Variants in ADAMTSL4 observed in about 807,000 individuals in gnomAD.
ADAMTSL4 encodes the protein ADAMTS like 4, also known as ADAMTS-like protein 4.
ADAMTSL4 carries 97 observed loss-of-function variants against 122.8 expected under a neutral mutation model. That is an observed-to-expected ratio of 0.79 (90% confidence interval 0.67 to 0.93). The LOEUF is 0.93. Among genes scored for constraint, ADAMTSL4 ranks in the 40% least tolerant of loss-of-function variants. The probability of loss-of-function intolerance (pLI) is 0.00; values close to 1 mark genes in which losing one functional copy is unlikely to be tolerated. For synonymous variants in ADAMTSL4, 592 were observed against 568.0 expected (o/e 1.04, Z -0.60); for missense variants, 1,408 against 1,453.5 (o/e 0.97, Z 0.51).
rs1222632247 is a variant in ADAMTSL4 at position 150,553,920 on chromosome 1, G to A, written c.929G>A (p.Gly310Asp). 1.9e-6 allele frequency: 3 copies of A among 1,611,528 alleles called. No individual in the cohort carries two copies. Among genetic ancestry groups the A allele is most frequent in the Non-Finnish European group, 2.5e-6 (3 of 1,179,158 alleles). ...TTTCCTTCGGTCCCTCGGGGCCGAG[G>A]CCAGCAGGGCCAAGGGCCTTGGGGA... ...DPFPSVPRGR[G>D]QQGQGPWGTG... Residue 310 changes from glycine to aspartate, a missense_variant, in exon 6 of 19, where the codon GGC becomes GAC. Gly to Asp is a moderately conservative substitution (Grantham distance 94). Transcript: ENST00000271643.
At position 150,556,556 on chromosome 1, in the gene ADAMTSL4, A is replaced by G; in HGVS notation, c.1577-65A>G. ...GTGGGAGCTTCTATAGGCTAAGGAC[A>G]CGGTGTGGGAGGAGGAAGGTATTAT... On this transcript the variant is annotated intron_variant, in intron 9 of 18. Coordinates refer to ENST00000271643, the MANE Select transcript of ADAMTSL4 (RefSeq NM_019032.6). This position sits in a 1 kb window ranked among gnomAD's most constrained non-coding sequence, Gnocchi z 4.1. 6.2e-7 allele frequency: 1 copy of G among 1,606,668 alleles called. No individual in the cohort carries two copies. The highest frequency in any genetic ancestry group is 8.5e-7 in the Non-Finnish European group (1 of 1,174,300).
chr1:150,550,682 TG>T, intron 2 of ADAMTSL4: 1 of 451,028 alleles, frequency 2.2e-6, no homozygotes, highest in Non-Finnish European at 4.5e-6. Flanking sequence ...CTGGAGATCC[TG>T]GCCTCCCCCG....
chr1:150,554,695 G>C lies in ADAMTSL4; in HGVS notation c.1234+228G>C. The C allele has an allele frequency of 6.6e-7, 1 of 1,519,230 alleles. No individual in the cohort carries two copies. The highest frequency in any genetic ancestry group is 8.8e-7 in the Non-Finnish European group (1 of 1,134,070). The allele number at this position is 1,519,230 out of a possible 1,614,324, so 94.1% of individuals were successfully genotyped here. On this transcript the variant is annotated intron_variant, in intron 7 of 18. Coordinates refer to ENST00000271643, the MANE Select transcript of ADAMTSL4 (RefSeq NM_019032.6). The surrounding 1 kb of genome is among the most constrained non-coding windows in gnomAD (Gnocchi z 4.0). ...GAGGTGTGGGAGACACGCTTTGTCC[G>C]GACTCCCCTGGGAAGGCCATCACTG...
Position 150,560,543 on chromosome 1 carries a change from C to T in ADAMTSL4, c.*347C>T, listed in dbSNP as rs1672660858. On this transcript the variant is annotated 3_prime_UTR_variant, in exon 19 of 19. Transcript: ENST00000271643. ...CTAGGTGGAAAGGAAAGCAAGTCTG[C>T]AGTTCCTTGCTAATCTGAGCTACTT... The T allele has an allele frequency of 2.8e-6, 1 of 361,660 alleles. No individual in the cohort carries two copies. Among genetic ancestry groups the T allele is most frequent in the Non-Finnish European group, 5.3e-6 (1 of 190,198 alleles). 22.4% of individuals were successfully genotyped at this position (361,660 alleles called of 1,614,324 possible). A position where few individuals can be genotyped will look rare whatever the true frequency, so the allele number is the denominator to read the frequency against.
rs1024905014 is a variant in ADAMTSL4, at chr1:150,557,343, A to G, written c.2047+8A>G. 8 of 1,608,896 alleles carry G rather than the reference A, an allele frequency of 5.0e-6. No individual in the cohort carries two copies. Among genetic ancestry groups the G allele is most frequent in the Non-Finnish European group, 5.9e-6 (7 of 1,178,136 alleles). ...CAGCGTCCTGCGGGAAAGGTGAGAC[A>G]TCACAGTGCGTTCCCCGCATCTCGG... is the stretch of plus-strand genomic sequence containing the variant. On this transcript the variant is annotated splice_region_variant and intron_variant, in intron 12 of 18. Coordinates refer to ENST00000271643, the MANE Select transcript of ADAMTSL4 (RefSeq NM_019032.6).
chr1:150,554,271 C>A lies in ADAMTSL4; in HGVS notation c.1132-94C>A. ...GGGCAGGGGTCTTGGAGCTCTTCCG[C>A]TGACCTGAGCCTCCCACCTGCTCCC... On this transcript the variant is annotated intron_variant, in intron 6 of 18. Coordinates refer to ENST00000271643, the MANE Select transcript of ADAMTSL4 (RefSeq NM_019032.6). The surrounding 1 kb of genome is among the most constrained non-coding windows in gnomAD (Gnocchi z 4.0). The A allele has an allele frequency of 6.8e-7, 1 of 1,461,966 alleles. No individual in the cohort carries two copies. Among genetic ancestry groups the A allele is most frequent in the South Asian group, 1.1e-5 (1 of 87,916 alleles). The allele number at this position is 1,461,966 out of a possible 1,614,324, so 90.6% of individuals were successfully genotyped here.
chr1:150,559,150 A>G lies in ADAMTSL4; in HGVS notation c.2748A>G (p.Thr916=), dbSNP rs1672531630. The G allele has an allele frequency of 1.2e-6, 2 of 1,612,576 alleles. No individual in the cohort carries two copies. The highest frequency in any genetic ancestry group is 1.3e-5 in the African/African-American group (1 of 74,970). Residue 916 remains threonine (T), a synonymous_variant, in exon 16 of 19, where the codon ACA becomes ACG. Transcript: ENST00000271643. The surrounding 1 kb of genome is among the most constrained non-coding windows in gnomAD (Gnocchi z 4.1). The stretch of plus-strand genomic sequence containing the variant: ...GTGAGAGAACTTGGCGCTGGTACAC[A>G]GGGCCCTGGGGTGAGGTAAGCTGAG... ...GPCERTWRWY[T]GPWGECSSEC...
intron 2 of ADAMTSL4, chr1:150,550,550 T>C (rs1671300302): frequency 2.7e-6 from 1 of 372,454 alleles, no homozygotes; most frequent in Non-Finnish European, 5.3e-6. Context: ...AGAGAGGGCA[T>C]GAAGAGGGGT....
At position 150,557,353 on chromosome 1, in the gene ADAMTSL4, G is replaced by A. The variant is rs770045560; in HGVS notation, c.2047+18G>A. On this transcript the variant is annotated intron_variant, in intron 12 of 18. Transcript: ENST00000271643. ...CGGGAAAGGTGAGACATCACAGTGC[G>A]TTCCCCGCATCTCGGTCCAAACCCC... 1.4e-5 allele frequency: 22 copies of A among 1,606,416 alleles called. No homozygotes were observed. Among genetic ancestry groups the A allele is most frequent in the African/African-American group, 4.0e-5 (3 of 74,708 alleles).
chr1:150,555,639 A>C, intron 8 of ADAMTSL4, 74 bp downstream of exon 8: 1 of 1,528,390 alleles, frequency 6.5e-7, no homozygotes, highest in Non-Finnish European at 8.8e-7. Context: ...ATGCATACAC[A>C]TGTACACACA....
intron 2 of ADAMTSL4, chr1:150,551,292 G>A: frequency 2.9e-6 from 1 of 343,544 alleles, no homozygotes; most frequent in South Asian, 2.3e-5. Context: ...GGCACCCAGA[G>A]TGGGTGTTAC....
chr1:150,558,672 T>C (rs1672470637), intron 15 of ADAMTSL4, 23 bp downstream of exon 15: 3 of 1,613,782 alleles, frequency 1.9e-6, no homozygotes, highest in Non-Finnish European at 1.7e-6. Flanking sequence ...CCCCCAGCCA[T>C]ATCCTGCATC....
rs1570967908 is a variant in ADAMTSL4, at chr1:150,560,376, T to C, written c.*180T>C. 1.0e-6 allele frequency: 1 copy of C among 970,544 alleles called. No homozygotes were observed. Among genetic ancestry groups the C allele is most frequent in the East Asian group, 2.6e-5 (1 of 37,938 alleles). 60.1% of individuals were successfully genotyped at this position (970,544 alleles called of 1,614,324 possible). ...TTTCAGGGCTGTGGTCAGGCCCATG[T>C]GGTGGTGTGATGGGTGTGTGCACAT... is the stretch of plus-strand genomic sequence containing the variant. On this transcript the variant is annotated 3_prime_UTR_variant, in exon 19 of 19. Transcript: ENST00000271643.
In ADAMTSL4 at chr1:150,552,738, G is replaced by A; in HGVS notation, c.78+138G>A. 1 of 1,318,310 alleles carries A rather than the reference G, an allele frequency of 7.6e-7. No homozygotes were observed. Among genetic ancestry groups the A allele is most frequent in the Non-Finnish European group, 1.1e-6 (1 of 936,832 alleles). The allele number at this position is 1,318,310 out of a possible 1,614,324, so 81.7% of individuals were successfully genotyped here. A position where few individuals can be genotyped will look rare whatever the true frequency, so the allele number is the denominator to read the frequency against. ...TCCCCTGCCAACTCCCCAGTTCCTTGCCTCATAACACCAAGAGGCCGAGGT... is the reference window on the plus strand; with the variant it reads ...TCCCCTGCCAACTCCCCAGTTCCTTACCTCATAACACCAAGAGGCCGAGGT... On this transcript the variant is annotated intron_variant, in intron 4 of 18. Coordinates refer to ENST00000271643, the MANE Select transcript of ADAMTSL4 (RefSeq NM_019032.6). The surrounding 1 kb of genome is among the most constrained non-coding windows in gnomAD (Gnocchi z 4.0).
intron 18 of ADAMTSL4, 47 bp from the exon 19 acceptor site, chr1:150,560,013 T>C: frequency 6.2e-7 from 1 of 1,613,888 alleles, no homozygotes; most frequent in African/African-American, 1.3e-5. Flanking sequence ...CCCAGACGGG[T>C]GGGTCCTGGT....
Position 150,559,213 on chromosome 1 carries a change from G to A in ADAMTSL4, c.2763+48G>A. ...GCAGGAAGGGGGTGCCAGTCCCAGT[G>A]GGATTCCTTGTGGGCACTTGGGGTG... On this transcript the variant is annotated intron_variant, in intron 16 of 18. Transcript: ENST00000271643. This position sits in a 1 kb window ranked among gnomAD's most constrained non-coding sequence, Gnocchi z 4.1. The A allele has an allele frequency of 6.2e-7, 1 of 1,612,364 alleles. No individual in the cohort carries two copies. Among genetic ancestry groups the A allele is most frequent in the Non-Finnish European group, 8.5e-7 (1 of 1,179,274 alleles).
In ADAMTSL4 at chr1:150,554,558, A is replaced by T. The variant is rs1201936804; in HGVS notation, c.1234+91A>T. 6.4e-7 allele frequency: 1 copy of T among 1,572,826 alleles called. No individual in the cohort carries two copies. The highest frequency in any genetic ancestry group is 8.6e-7 in the Non-Finnish European group (1 of 1,158,992). ...ACCTGCTTACTCCCAGCCCTGAATG[A>T]CTTCCAGCCCCTCTGCTTCCCCTGC... On this transcript the variant is annotated intron_variant, in intron 7 of 18. Transcript: ENST00000271643. This position sits in a 1 kb window ranked among gnomAD's most constrained non-coding sequence, Gnocchi z 4.0.
chr1:150,557,956 G>A lies in ADAMTSL4; in HGVS notation c.2189G>A (p.Gly730Asp). Reference sequence around the variant, plus strand: ...GCTGGTGCCTGCAGCTGGGAGGCTGGCGAGTGGACATCCTGCAGCCGCTCC... The same window carrying A: ...GCTGGTGCCTGCAGCTGGGAGGCTGACGAGTGGACATCCTGCAGCCGCTCC... Reference protein sequence around the residue: ...GTPCPPYWEAGEWTSCSRSCG... With the variant: ...GTPCPPYWEADEWTSCSRSCG... Residue 730 changes from glycine (G) to aspartate (D), a missense_variant, in exon 14 of 19, where the codon GGC (glycine) becomes GAC (aspartate). Physicochemically the swap from Gly to Asp is moderately conservative, Grantham distance 94. Coordinates refer to ENST00000271643, the MANE Select transcript of ADAMTSL4 (RefSeq NM_019032.6). The A allele has an allele frequency of 6.2e-7, 1 of 1,607,346 alleles. No individual in the cohort carries two copies.
chr1:150,552,673 C>G lies in ADAMTSL4; in HGVS notation c.78+73C>G. The stretch of plus-strand genomic sequence containing the variant: ...ATCTCCCCCTAGGCTCCCACCCCAT[C>G]TCTCCAGGCCACGCCTCCATTCCCC... On this transcript the variant is annotated intron_variant, in intron 4 of 18. Coordinates refer to ENST00000271643, the MANE Select transcript of ADAMTSL4 (RefSeq NM_019032.6). This position sits in a 1 kb window ranked among gnomAD's most constrained non-coding sequence, Gnocchi z 4.0. 1.9e-6 allele frequency: 3 copies of G among 1,543,074 alleles called. No homozygotes were observed. The highest frequency in any genetic ancestry group is 2.6e-6 in the Non-Finnish European group (3 of 1,136,966).
Sources: allele counts gnomAD v4.1 joint callset, GRCh38; gene constraint gnomAD v4.1.1; non-coding constraint Gnocchi (gnomAD v3.1); transcripts MANE v1.5; gene names NCBI Gene and HGNC (gene_info 2026-07-23, HGNC 2026-07-21).